Variants in DLC1 observed in about 807,000 individuals in gnomAD.
The protein encoded by DLC1 is DLC1 Rho GTPase activating protein.
A neutral mutation model predicts 140.3 loss-of-function variants in DLC1; 54 were observed. The observed-to-expected ratio is 0.38, with a 90% CI of 0.31 to 0.48. The LOEUF (loss-of-function observed/expected upper bound fraction) is 0.48. Ranked by LOEUF, DLC1 falls within the 20% of genes least tolerant of loss-of-function variation. DLC1 has a pLI of 0.96. For synonymous variants in DLC1, 986 were observed against 728.1 expected, an observed-to-expected ratio of 1.35 and a Z score of -5.70; for missense variants, 2,536 against 1,907.0, an observed-to-expected ratio of 1.33 and a Z score of -6.14.
chr8:13,379,650 A>G (rs1003248686), intron 4 of DLC1, among the ~76,000 whole-genome samples: 4 of 151,948 alleles, frequency 2.6e-5, no homozygotes, highest in Non-Finnish European at 5.9e-5. Context: ...ATTTTATTTT[A>G]TTTTACTTCA....
At chr8:13,203,833 G>A (rs539246735) in intron 5 of DLC1, among the ~76,000 whole-genome samples, 1 of 152,228 alleles carries the variant, frequency 6.6e-6, no homozygotes, top group East Asian at 1.9e-4. Flanking sequence ...TACCATGATA[G>A]GAAAAGAGCT....
At chr8:13,420,561 C>T (rs936841848) in intron 2 of DLC1, among the ~76,000 whole-genome samples, 3 of 152,030 alleles carry the variant, frequency 2.0e-5, no homozygotes, top group Non-Finnish European at 2.9e-5. Context: ...CTTCCCTTAA[C>T]CCCCTCAACC....
At chr8:13,496,157 G>A (rs996266733) in intron 2 of DLC1, among the ~76,000 whole-genome samples, 7 of 152,124 alleles carry the variant, frequency 4.6e-5, no homozygotes, top group African/African-American at 1.7e-4. Context: ...TGTGGCACAT[G>A]TGTGCCTCCA....
chr8:13,501,367 C>T (rs900233950), intron 1 of DLC1, among the ~76,000 whole-genome samples: 1 of 152,150 alleles, frequency 6.6e-6, no homozygotes, highest in Non-Finnish European at 1.5e-5. Context: ...ATAAAAATGA[C>T]TAACCCAAAT....
intron 2 of DLC1, among the ~76,000 whole-genome samples, chr8:13,437,960 G>T (rs1353744354): frequency 2.0e-5 from 3 of 151,236 alleles, no homozygotes; most frequent in Non-Finnish European, 4.4e-5. Context: ...AAATTGAGAA[G>T]GTTATAAGGG....
At chr8:13,553,627 G>T (rs922272309) in intron 1 of DLC1, among the ~76,000 whole-genome samples, 23 of 151,878 alleles carry the variant, frequency 1.5e-4, no homozygotes, top group East Asian at 2.0e-4. Context: ...TGCTTGGATT[G>T]CAGGCATGAG....
chr8:13,547,431 A>T (rs534725936), intron 1 of DLC1, among the ~76,000 whole-genome samples: 2 of 152,018 alleles, frequency 1.3e-5, no homozygotes, highest in Non-Finnish European at 2.9e-5. Flanking sequence ...GAAGAAAATG[A>T]CTGCCTCTGT....
intron 1 of DLC1, among the ~76,000 whole-genome samples, chr8:13,504,774 C>A (rs1801978830): frequency 6.6e-6 from 1 of 151,018 alleles, no homozygotes; most frequent in African/African-American, 2.4e-5. Context: ...AAAAGTCTTA[C>A]TTTTTTTTTA....
chr8:13,267,851 G>A (rs923933133), intron 5 of DLC1, among the ~76,000 whole-genome samples: 1 of 151,714 alleles, frequency 6.6e-6, no homozygotes, highest in Non-Finnish European at 1.5e-5. Flanking sequence ...TATGGTATCA[G>A]GGCTTTCAAA....
intron 4 of DLC1, among the ~76,000 whole-genome samples, chr8:13,375,090 C>A (rs1835911080): frequency 6.8e-6 from 1 of 148,104 alleles, no homozygotes; most frequent in Non-Finnish European, 1.5e-5. Flanking sequence ...TGCAGTGGCA[C>A]AATCTTGGCT....
intron 4 of DLC1, among the ~76,000 whole-genome samples, chr8:13,354,697 C>T (rs1296093062): frequency 6.6e-6 from 1 of 151,468 alleles, no homozygotes; most frequent in Non-Finnish European, 1.5e-5. Context: ...GTAATCCCAG[C>T]ACTTTGGGAG....
At chr8:13,211,132 G>A (rs185790532) in intron 5 of DLC1, among the ~76,000 whole-genome samples, 3 of 152,252 alleles carry the variant, frequency 2.0e-5, no homozygotes, top group Admixed American at 6.5e-5. Context: ...ACAGTGCCAC[G>A]ACAGTTTATA....
At chr8:13,289,506 T>G (rs1442452138) in intron 5 of DLC1, among the ~76,000 whole-genome samples, 10 of 152,320 alleles carry the variant, frequency 6.6e-5, no homozygotes, top group Admixed American at 6.5e-4. Context: ...GTTCAAATTT[T>G]TTTTTGTAGA....
At chr8:13,503,431 G>C (rs973315960) in intron 1 of DLC1, among the ~76,000 whole-genome samples, 1 of 152,068 alleles carries the variant, frequency 6.6e-6, no homozygotes, top group African/African-American at 2.4e-5. Context: ...AAATGTTACC[G>C]TATTTAACAA....
In DLC1 at chr8:13,561,416, A is replaced by T. The variant is rs375369802; in HGVS notation, c.-126+43121T>A. Among the ~76,000 whole-genome samples the T allele has an allele frequency of 3.9e-5, 6 of 152,288 alleles. No homozygotes were observed. In the East Asian group the frequency reaches 5.8e-4, roughly 15 times the overall value. ...GCTGGTCTTGAACTCCTATTCTTAA[A>T]GATCCTCCTGCTTCATCCTCCTAAA... On this transcript the variant is annotated intron_variant, in intron 1 of 1. Transcript: ENST00000631382.
intron 5 of DLC1, among the ~76,000 whole-genome samples, chr8:13,173,890 G>A (rs1825624746): frequency 6.6e-6 from 1 of 152,138 alleles, no homozygotes; most frequent in Admixed American, 6.5e-5. Context: ...GATTTGGGAG[G>A]TACGTGTGCA....
chr8:13,100,040 C>G lies in DLC1; in HGVS notation c.2297G>C (p.Ser766Thr), dbSNP rs757442413. Residue 766 changes from serine to threonine, a missense_variant, in exon 9 of 18, where the codon AGT becomes ACT. Transcript: ENST00000276297. ...CATGCCCACCCGCTTGTTGCACGCA[C>G]TGAGGCTCCGGGTCCTCGTAACAGG... ...PSPVTRTRSLSACNKRVGMYL... is the reference protein window; with the variant it reads ...PSPVTRTRSLTACNKRVGMYL... 6.2e-7 allele frequency: 1 copy of G among 1,613,212 alleles called. No homozygotes were observed. The highest frequency in any genetic ancestry group is 1.1e-5 in the South Asian group (1 of 91,082).
chr8:13,580,827 G>A (rs537382664), intron 1 of DLC1, among the ~76,000 whole-genome samples: 1 of 152,260 alleles, frequency 6.6e-6, no homozygotes, highest in African/African-American at 2.4e-5. Flanking sequence ...CTCATAATCA[G>A]GCTTTCTGAG....
intron 3 of DLC1, among the ~76,000 whole-genome samples, chr8:13,397,755 G>C (rs1837113319): frequency 6.6e-6 from 1 of 152,054 alleles, no homozygotes; most frequent in Non-Finnish European, 1.5e-5. Flanking sequence ...AGGATTGCTT[G>C]AGCCCAGGAG....
Sources: gnomAD v4.1 joint callset for allele counts (sites outside exome capture counted in the v4.1 genomes callset) on GRCh38, gnomAD v4.1.1 for gene constraint, MANE v1.5 for transcripts, NCBI Gene and HGNC (gene_info 2026-07-23, HGNC 2026-07-21) for gene names.